EMID1: variants seen among roughly 807,000 people sequenced by gnomAD.
EMID1 encodes the protein EMI domain-containing protein 1.
In EMID1, 40 loss-of-function variants were observed where a neutral mutation model predicts 60.6. The ratio of observed to expected loss-of-function variants is 0.66; its 90% CI spans 0.51 to 0.86. The LOEUF (loss-of-function observed/expected upper bound fraction) is 0.86. Ranked by LOEUF, EMID1 falls within the 40% of genes least tolerant of loss-of-function variation. The pLI is 0.00. For missense variants in EMID1, 585 were observed against 597.1 expected (o/e 0.98, Z 0.21); for synonymous variants, 242 against 231.0 (o/e 1.05, Z -0.43).
intron 1 of EMID1, among the ~76,000 whole-genome samples, chr22:29,214,429 C>T (rs913394283): frequency 1.3e-5 from 2 of 152,014 alleles, no homozygotes; most frequent in African/African-American, 4.8e-5. Flanking sequence ...AGGCCTGGGG[C>T]AGGTGTGGGT....
chr22:29,253,537 G>A (rs560115166), intron 13 of EMID1, among the ~76,000 whole-genome samples: 34 of 152,264 alleles, frequency 2.2e-4, no homozygotes, highest in African/African-American at 7.7e-4. Flanking sequence ...AGCTGAGATC[G>A]CGCCATTGCA....
chr22:29,254,094 G>A lies in EMID1; in HGVS notation c.1120-109G>A, dbSNP rs1001094558. The A allele has an allele frequency of 5.1e-6, 8 of 1,580,706 alleles. No homozygotes were observed. In the African/African-American group the frequency reaches 9.4e-5, roughly 19 times the overall value. ...CATGGACCCTGGGCTGTGGCAGGTA[G>A]TGTGGGGCTGCAGGTGCATGTCCCG... On this transcript the variant is annotated intron_variant, in intron 13 of 14. Coordinates refer to ENST00000334018, the MANE Select transcript of EMID1 (RefSeq NM_133455.4).
intron 5 of EMID1, among the ~76,000 whole-genome samples, chr22:29,229,863 A>G (rs1263300923): frequency 6.6e-6 from 1 of 152,186 alleles, no homozygotes; most frequent in East Asian, 1.9e-4. Flanking sequence ...TTCTCTGGAC[A>G]GGCCCCCACG....
At chr22:29,244,369 T>C (rs925768413) in intron 13 of EMID1, among the ~76,000 whole-genome samples, 2 of 152,058 alleles carry the variant, frequency 1.3e-5, no homozygotes, top group African/African-American at 2.4e-5. Flanking sequence ...GGCGGGTAGA[T>C]AACTTGAGGT....
intron 14 of EMID1, 99 bp downstream of exon 14, chr22:29,254,386 G>A: frequency 8.5e-7 from 1 of 1,180,884 alleles, no homozygotes; most frequent in East Asian, 2.4e-5. Flanking sequence ...CAGTCATGAG[G>A]CTGGAGAAGG....
intron 13 of EMID1, among the ~76,000 whole-genome samples, chr22:29,245,043 G>C (rs1474855661): frequency 6.6e-6 from 1 of 151,282 alleles, no homozygotes; most frequent in Non-Finnish European, 1.5e-5. Flanking sequence ...TGTGGGGTCA[G>C]TGATGGATAC....
chr22:29,256,463 C>CAA (rs774829201), intron 14 of EMID1, among the ~76,000 whole-genome samples: 10 of 52,682 alleles, frequency 1.9e-4, no homozygotes, highest in South Asian at 7.3e-4. Flanking sequence ...GACTCCATCT[C>CAA]AAAAAAAAAA....
At chr22:29,212,309 T>G (rs2039919233) in intron 1 of EMID1, among the ~76,000 whole-genome samples, 2 of 151,804 alleles carry the variant, frequency 1.3e-5, no homozygotes, top group East Asian at 3.9e-4. Flanking sequence ...TAAAAAAAAT[T>G]TTTTTATAGA....
intron 12 of EMID1, among the ~76,000 whole-genome samples, chr22:29,236,669 C>T (rs536122313): frequency 2.1e-4 from 32 of 151,110 alleles, no homozygotes; most frequent in South Asian, 2.1e-3. Context: ...CCAGCCTGGG[C>T]GACAGAGTGA....
chr22:29,231,585 C>T lies in EMID1; in HGVS notation c.587-8C>T. The T allele has an allele frequency of 1.3e-6, 2 of 1,545,428 alleles. No homozygotes were observed. The highest frequency in any genetic ancestry group is 8.7e-7 in the Non-Finnish European group (1 of 1,143,646). On this transcript the variant is annotated splice_region_variant and splice_polypyrimidine_tract_variant and intron_variant, in intron 6 of 14. Transcript: ENST00000334018. Reference sequence around the variant, plus strand: ...GGAGCTGCCAGTCTGATATGCTTTACCCCCCAGACCAAGTCGGTGCTTGGG... The same window carrying T: ...GGAGCTGCCAGTCTGATATGCTTTATCCCCCAGACCAAGTCGGTGCTTGGG...
intron 12 of EMID1, 97 bp from the exon 13 acceptor site, chr22:29,243,348 C>G (rs2041218914): frequency 5.4e-3 from 5,688 of 1,049,502 alleles, no homozygotes; most frequent in Non-Finnish European, 7.4e-3. Flanking sequence ...CTCTAAGTTT[C>G]TCTCCCTTTC....
intron 14 of EMID1, among the ~76,000 whole-genome samples, chr22:29,258,019 G>A (rs1161444016): frequency 3.3e-5 from 5 of 152,184 alleles, no homozygotes; most frequent in East Asian, 1.9e-4. Context: ...TGATTACGAC[G>A]GACAGCCCAC....
rs1286131234 is a variant in EMID1 at position 29,255,352 on chromosome 22, A to G, written c.1204+1065A>G. 3 of 1,502,662 alleles carry G rather than the reference A, an allele frequency of 2.0e-6. No individual in the cohort carries two copies. In the South Asian group the frequency reaches 3.9e-5, roughly 19 times the overall value. 93.1% of individuals were successfully genotyped at this position (1,502,662 alleles called of 1,614,324 possible). A position where few individuals can be genotyped will look rare whatever the true frequency, so the allele number is the denominator to read the frequency against. On this transcript the variant is annotated intron_variant, in intron 14 of 14. Transcript: ENST00000334018. Reference sequence around the variant, plus strand: ...ACGGGTCACCCTCCTGGAAGCCATCATCTGGCCAGGTAATGGCAGGGCGGG... The same window carrying G: ...ACGGGTCACCCTCCTGGAAGCCATCGTCTGGCCAGGTAATGGCAGGGCGGG...
At chr22:29,238,846 C>T (rs1317471051) in intron 12 of EMID1, among the ~76,000 whole-genome samples, 1 of 142,686 alleles carries the variant, frequency 7.0e-6, no homozygotes, top group Non-Finnish European at 1.5e-5. Flanking sequence ...GTGTGAGCCA[C>T]TGCACCCAGC....
intron 13 of EMID1, among the ~76,000 whole-genome samples, chr22:29,252,483 C>G (rs2041564868): frequency 6.6e-6 from 1 of 150,856 alleles, no homozygotes; most frequent in South Asian, 2.1e-4. Flanking sequence ...ATTTGTCATC[C>G]TGGTGCACTG....
rs552051943 is a variant in EMID1, at chr22:29,232,633, A to T, written c.823+231A>T. 5.3e-5 allele frequency: 26 copies of T among 493,656 alleles called. No homozygotes were observed. The South Asian group carries it at 9.2e-4, about 17-fold the overall frequency. 30.6% of individuals were successfully genotyped at this position (493,656 alleles called of 1,614,324 possible). The stretch of plus-strand genomic sequence containing the variant: ...GGGTCCCACAGCCTGGGCGTAGGGG[A>T]ACGGCTTCAAACCCAGGCTGCCTCC... On this transcript the variant is annotated intron_variant, in intron 8 of 14. Transcript: ENST00000334018.
chr22:29,228,156 C>CAA lies in EMID1; in HGVS notation c.465+1625_465+1626dup, dbSNP rs748240529. On this transcript the variant is annotated intron_variant, in intron 5 of 14. Transcript: ENST00000334018. Reference sequence around the variant, plus strand: ...GGGCAACAAGAACGAAACTCCATCTCAAAAAAAAAAAAAAAAAAAAATGAG... The same window carrying CAA: ...GGGCAACAAGAACGAAACTCCATCTCAAAAAAAAAAAAAAAAAAAAAAATGAG... Among the ~76,000 whole-genome samples the CAA allele has an allele frequency of 7.0e-3, 271 of 38,902 alleles. 5 individuals are homozygous for CAA. The South Asian group carries it at 0.092, about 13-fold the overall frequency. The allele number at this position is 38,902 out of a possible 152,430, so 25.5% of individuals were successfully genotyped here. A position where few individuals can be genotyped will look rare whatever the true frequency, so the allele number is the denominator to read the frequency against.
rs753993763 is a variant in EMID1, at chr22:29,231,637, G to T, written c.631G>T (p.Gly211Ter). 6.7e-7 allele frequency: 1 copy of T among 1,497,142 alleles called. No homozygotes were observed. The highest frequency in any genetic ancestry group is 1.3e-5 in the South Asian group (1 of 74,816). 92.7% of individuals were successfully genotyped at this position (1,497,142 alleles called of 1,614,324 possible). ...WGLPGPTGPK[G>*]DAGSRGPMGM... ...GCTTCCCGGGCCCACCGGCCCCAAG[G>T]GAGATGCCGGCAGTCGGGGCCCAAT... The change falls in exon 7 of 15, where the codon GGA (glycine) becomes TGA (stop). Residue 211 changes from glycine to a stop codon, truncating the protein, a stop_gained. Coordinates refer to ENST00000334018, the MANE Select transcript of EMID1 (RefSeq NM_133455.4). LOFTEE classifies it high-confidence loss of function.
At chr22:29,254,176 G>C in intron 13 of EMID1, 27 bp from the exon 14 acceptor site, 1 of 1,613,630 alleles carries the variant, frequency 6.2e-7, no homozygotes. Context: ...CCCCCTTCAC[G>C]GCTGCATCTG....
Sources: allele counts gnomAD v4.1 joint callset (sites outside exome capture counted in the v4.1 genomes callset), GRCh38; gene constraint gnomAD v4.1.1; transcripts MANE v1.5; gene names NCBI Gene and HGNC (gene_info 2026-07-23, HGNC 2026-07-21).